SFSWAP: variants seen among roughly 807,000 people sequenced by gnomAD.
SFSWAP encodes splicing factor, suppressor of white-apricot homolog.
A neutral mutation model predicts 100.7 loss-of-function variants in SFSWAP; 17 were observed. That is an observed-to-expected ratio of 0.17 (90% CI 0.12 to 0.25). The LOEUF is 0.25. Among genes scored for constraint, SFSWAP ranks in the 10% least tolerant of loss-of-function variants. SFSWAP has a pLI of 1.00. For missense variants in SFSWAP, 1,005 were observed against 1,262.6 expected, an observed-to-expected ratio of 0.80 and a Z score of 3.09; for synonymous variants, 504 against 510.1, an observed-to-expected ratio of 0.99 and a Z score of 0.16.
intron 7 of SFSWAP, among the ~76,000 whole-genome samples, chr12:131,748,614 C>T (rs779702254): frequency 7.9e-5 from 12 of 152,224 alleles, no homozygotes; most frequent in East Asian, 1.9e-4. Context: ...TGCAGAGATA[C>T]GAGAGAACTG....
Position 131,714,189 on chromosome 12 carries a change from G to C in SFSWAP, c.337G>C (p.Glu113Gln). ...GCGAATAGAGGCCCTGTGTGATGAA[G>C]AGAGGTATTTAGCCTTGCATACGGA... ...EARIEALCDE[E>Q]RYLALHTDLL... is the part of the protein sequence containing the mutation. Residue 113 changes from glutamate (E) to glutamine (Q), a missense_variant, in exon 2 of 18, where the codon GAG (glutamate) becomes CAG (glutamine). This residue lies in a region of SFSWAP where 237 missense variants were observed against 337.0 expected (regional missense o/e 0.70). Transcript: ENST00000261674. This position sits in a 1 kb window ranked among gnomAD's most constrained non-coding sequence, Gnocchi z 6.0. 1 of 1,613,992 alleles carries C rather than the reference G, an allele frequency of 6.2e-7. No individual in the cohort carries two copies. Among genetic ancestry groups the C allele is most frequent in the Non-Finnish European group, 8.5e-7 (1 of 1,179,902 alleles).
Position 131,799,531 on chromosome 12 carries a change from C to T in SFSWAP, c.*43C>T. On this transcript the variant is annotated 3_prime_UTR_variant, in exon 18 of 18. Coordinates refer to ENST00000261674, the MANE Select transcript of SFSWAP (RefSeq NM_004592.4). Reference sequence around the variant, plus strand: ...CAGAGCCGGGAGGCTGCGTGGGCTTCTGGGCAGGCTCACGCAGACGCCGGC... The same window carrying T: ...CAGAGCCGGGAGGCTGCGTGGGCTTTTGGGCAGGCTCACGCAGACGCCGGC... 6.3e-7 allele frequency: 1 copy of T among 1,578,162 alleles called. No homozygotes were observed.
intron 7 of SFSWAP, among the ~76,000 whole-genome samples, chr12:131,729,562 C>T (rs1879309967): frequency 6.6e-6 from 1 of 152,202 alleles, no homozygotes; most frequent in South Asian, 2.1e-4. Context: ...TGAGAAATTA[C>T]ATTTCTTTTT....
At chr12:131,731,887 G>A (rs539070053) in intron 7 of SFSWAP, among the ~76,000 whole-genome samples, 2 of 137,442 alleles carry the variant, frequency 1.5e-5, no homozygotes, top group South Asian at 2.4e-4. Context: ...TTTTGAGTAT[G>A]CATTACTATT....
chr12:131,780,072 C>T (rs904679730), intron 14 of SFSWAP, among the ~76,000 whole-genome samples: 1 of 152,228 alleles, frequency 6.6e-6, no homozygotes. Flanking sequence ...AGGCGTGAGC[C>T]ACTGTGCCCA....
intron 11 of SFSWAP, among the ~76,000 whole-genome samples, chr12:131,762,378 T>A (rs760499219): frequency 3.9e-4 from 59 of 152,324 alleles, no homozygotes; most frequent in Admixed American, 9.8e-4. Context: ...ACCACTGCAC[T>A]GCAGCCTGGG....
Position 131,711,241 on chromosome 12 carries a change from G to A in SFSWAP, c.12G>A (p.Ala4=). ...CCGGGGACGCTGTCATGTACGGCGC[G>A]AGCGGGGGCCGCGCCAAACCCGAGA... The part of the protein sequence containing the change: MYG[A]SGGRAKPERK... Residue 4 remains alanine (A), a synonymous_variant, in exon 1 of 18, where the codon GCG becomes GCA. Transcript: ENST00000261674. The surrounding 1 kb of genome is among the most constrained non-coding windows in gnomAD (Gnocchi z 4.9). The A allele has an allele frequency of 1.2e-6, 2 of 1,604,322 alleles. No individual in the cohort carries two copies.
Position 131,726,985 on chromosome 12 carries a change from A to C in SFSWAP, c.878A>C (p.Asp293Ala), listed in dbSNP as rs1197628442. 27 of 1,608,056 alleles carry C rather than the reference A, an allele frequency of 1.7e-5. No individual in the cohort carries two copies. The highest frequency in any genetic ancestry group is 2.3e-5 in the Non-Finnish European group (27 of 1,177,232). Reference sequence around the variant, plus strand: ...AATGAAGATGATGATGATGAAGAAGATGGGAATTACCTTCATCCCTCTCTC... The same window carrying C: ...AATGAAGATGATGATGATGAAGAAGCTGGGAATTACCTTCATCCCTCTCTC... ...SDNEDDDDEE[D>A]GNYLHPSLFA... is the part of the protein sequence containing the mutation. The change falls in exon 6 of 18, where the codon GAT (aspartate) becomes GCT (alanine). Residue 293 changes from aspartate (D) to alanine (A), a missense_variant. This residue lies in a region of SFSWAP where 54 missense variants were observed against 51.9 expected (regional missense o/e 1.04). Transcript: ENST00000261674.
intron 11 of SFSWAP, chr12:131,757,012 G>A (rs1368535046): frequency 5.6e-6 from 1 of 180,138 alleles, no homozygotes; most frequent in African/African-American, 2.4e-5. Flanking sequence ...CAGATTCCTT[G>A]AGAATCTCTA....
chr12:131,779,206 A>AGC lies in SFSWAP; in HGVS notation c.2408+877_2408+878insCG, dbSNP rs1566051422. 1.0e-3 allele frequency among the ~76,000 whole-genome samples: 156 copies of AGC among 148,852 alleles called. 1 individual carries two copies. Among genetic ancestry groups the AGC allele is most frequent in the Admixed American group, 1.8e-3 (27 of 14,978 alleles). On this transcript the variant is annotated intron_variant, in intron 14 of 17. Transcript: ENST00000261674. ...GTGTGTGAAGAGGGCAGCGCGGATG[A>AGC]GTGTGTGTGAAGAGGGCGGCGCGGG...
At position 131,714,010 on chromosome 12, in the gene SFSWAP, A is replaced by G; in HGVS notation, c.219-61A>G. Reference sequence around the variant, plus strand: ...TATATATATACATATATAAAACATCACACACGCACACCAGTCTAGACGTTA... The same window carrying G: ...TATATATATACATATATAAAACATCGCACACGCACACCAGTCTAGACGTTA... On this transcript the variant is annotated intron_variant, in intron 1 of 17. Coordinates refer to ENST00000261674, the MANE Select transcript of SFSWAP (RefSeq NM_004592.4). The surrounding 1 kb of genome is among the most constrained non-coding windows in gnomAD (Gnocchi z 6.0). The G allele has an allele frequency of 8.0e-7, 1 of 1,256,564 alleles. No individual in the cohort carries two copies. Among genetic ancestry groups the G allele is most frequent in the Non-Finnish European group, 1.1e-6 (1 of 877,138 alleles). 77.8% of individuals were successfully genotyped at this position (1,256,564 alleles called of 1,614,324 possible). A position where few individuals can be genotyped will look rare whatever the true frequency, so the allele number is the denominator to read the frequency against.
At chr12:131,727,261 A>G (rs891071479) in intron 6 of SFSWAP, among the ~76,000 whole-genome samples, 13 of 152,226 alleles carry the variant, frequency 8.5e-5, no homozygotes, top group African/African-American at 2.9e-4. Context: ...AAAATTCGTG[A>G]GCATTTGCTC....
chr12:131,785,291 ATC>A, intron 14 of SFSWAP: 4 of 1,468,052 alleles, frequency 2.7e-6, no homozygotes, highest in Non-Finnish European at 3.7e-6. Flanking sequence ...CTGGGAAAAA[ATC>A]AAAACGATTC....
Position 131,794,186 on chromosome 12 carries a change from T to G in SFSWAP, c.2535-2992T>G, listed in dbSNP as rs1885470017. Among the ~76,000 whole-genome samples, 1 of 152,134 alleles carries G rather than the reference T, an allele frequency of 6.6e-6. No homozygotes were observed. The highest frequency in any genetic ancestry group is 2.4e-5 in the African/African-American group (1 of 41,426). On this transcript the variant is annotated intron_variant, in intron 15 of 17. Coordinates refer to ENST00000261674, the MANE Select transcript of SFSWAP (RefSeq NM_004592.4). This position sits in a 1 kb window ranked among gnomAD's most constrained non-coding sequence, Gnocchi z 4.8. ...ACTATTCATCGGTAAAAGGAACAAA[T>G]TGAGGATCACCCTGCGTCGTGGAGG...
chr12:131,740,966 C>CTTTTTTTTTTTTTTTTTTTTTTTTTTT (rs60047663), intron 7 of SFSWAP, among the ~76,000 whole-genome samples: 10 of 70,136 alleles, frequency 1.4e-4, no homozygotes, highest in African/African-American at 3.5e-4. Context: ...TCTTTTTTTT[C>CTTTTTTTTTTTTTTTTTTTTTTTTTTT]TTTTTTTTTT....
chr12:131,783,842 TCC>T (rs1884702021), intron 14 of SFSWAP: 5 of 119,740 alleles, frequency 4.2e-5, no homozygotes, highest in Non-Finnish European at 7.4e-5. Context: ...AGAAATTAGC[TCC>T]CTAAATACTT....
At chr12:131,788,621 G>T (rs1885051858) in intron 15 of SFSWAP, among the ~76,000 whole-genome samples, 1 of 151,670 alleles carries the variant, frequency 6.6e-6, no homozygotes, top group African/African-American at 2.4e-5. Flanking sequence ...TACCTCCTGG[G>T]CTCAAGCCAT....
At chr12:131,762,053 T>C (rs1882718695) in intron 11 of SFSWAP, among the ~76,000 whole-genome samples, 1 of 152,074 alleles carries the variant, frequency 6.6e-6, no homozygotes, top group South Asian at 2.1e-4. Flanking sequence ...GCCAACATGG[T>C]GAAACCCATC....
Position 131,725,110 on chromosome 12 carries a change from A to G in SFSWAP, c.607-295A>G, listed in dbSNP as rs2136187318. 6.6e-6 allele frequency among the ~76,000 whole-genome samples: 1 copy of G among 152,336 alleles called. No individual in the cohort carries two copies. Among genetic ancestry groups the G allele is most frequent in the South Asian group, 2.1e-4 (1 of 4,830 alleles). On this transcript the variant is annotated intron_variant, in intron 4 of 17. Transcript: ENST00000261674. This position sits in a 1 kb window ranked among gnomAD's most constrained non-coding sequence, Gnocchi z 4.3. The stretch of plus-strand genomic sequence containing the variant: ...ATTCACAAACCCCCTGAATTCCATC[A>G]TAGAGCTGAACTTAAATATATAGAA...
Sources: allele counts gnomAD v4.1 joint callset (sites outside exome capture counted in the v4.1 genomes callset), GRCh38; gene constraint gnomAD v4.1.1; regional missense constraint gnomAD v4.1.1; non-coding constraint Gnocchi (gnomAD v3.1); transcripts MANE v1.5; gene names NCBI Gene and HGNC (gene_info 2026-07-23, HGNC 2026-07-21).